The following FOXN3 variants were observed in gnomAD, a reference collection of about 807,000 sequenced individuals.
The protein encoded by FOXN3 is forkhead box protein N3.
In FOXN3, 7 loss-of-function variants were observed where a neutral mutation model predicts 38.4. The observed-to-expected ratio is 0.18, with a 90% confidence interval of 0.10 to 0.34. The LOEUF is 0.34. Ranked by LOEUF, FOXN3 falls within the 10% of genes least tolerant of loss-of-function variation. The pLI, the probability that FOXN3 is intolerant of heterozygous loss-of-function variation, is 1.00. For missense variants in FOXN3, 456 were observed against 613.4 expected, an observed-to-expected ratio of 0.74 and a Z score of 2.71; for synonymous variants, 230 against 242.2, an observed-to-expected ratio of 0.95 and a Z score of 0.47.
At chr14:89,452,991 G>C (rs965495239) in intron 1 of FOXN3, among the ~76,000 whole-genome samples, 3 of 152,000 alleles carry the variant, frequency 2.0e-5, no homozygotes, top group Non-Finnish European at 4.4e-5. Flanking sequence ...CTGAGGTCAG[G>C]AGTTCCAGAC....
intron 4 of FOXN3, among the ~76,000 whole-genome samples, chr14:89,255,072 G>A (rs906587217): frequency 5.3e-5 from 8 of 152,148 alleles, no homozygotes; most frequent in African/African-American, 1.9e-4. Flanking sequence ...AGAGGCCAGG[G>A]GCTACTCTAT....
At chr14:89,486,003 AG>A (rs1893437250) in intron 1 of FOXN3, among the ~76,000 whole-genome samples, 1 of 152,180 alleles carries the variant, frequency 6.6e-6, no homozygotes, top group South Asian at 2.1e-4. Flanking sequence ...CCCTGAACCA[AG>A]GAACTACCGC....
chr14:89,290,830 G>T (rs554967950), intron 3 of FOXN3: 15 of 269,998 alleles, frequency 5.6e-5, no homozygotes, highest in African/African-American at 3.2e-4. Context: ...TGGTTAAACC[G>T]GGCAAATAAA....
chr14:89,404,765 G>C (rs374316817), intron 2 of FOXN3, among the ~76,000 whole-genome samples: 1 of 152,012 alleles, frequency 6.6e-6, no homozygotes, highest in Non-Finnish European at 1.5e-5. Context: ...AGCCATTTCC[G>C]ACGCTGGACA....
chr14:89,486,002 A>G (rs1257430842), intron 1 of FOXN3, among the ~76,000 whole-genome samples: 1 of 152,170 alleles, frequency 6.6e-6, no homozygotes, highest in African/African-American at 2.4e-5. Context: ...TCCCTGAACC[A>G]AGGAACTACC....
intron 1 of FOXN3, among the ~76,000 whole-genome samples, chr14:89,416,099 G>T (rs1226173924): frequency 6.6e-6 from 1 of 152,156 alleles, no homozygotes; most frequent in Non-Finnish European, 1.5e-5. Context: ...GAGTTTGGGG[G>T]GCCGGGTCAC....
chr14:89,322,042 C>A (rs907860707), intron 3 of FOXN3, among the ~76,000 whole-genome samples: 3 of 152,228 alleles, frequency 2.0e-5, no homozygotes, highest in Admixed American at 6.5e-5. Flanking sequence ...ATACTGCAAC[C>A]CTCTTTGGGT....
chr14:89,439,454 C>G (rs973683560), intron 1 of FOXN3, among the ~76,000 whole-genome samples: 1 of 152,110 alleles, frequency 6.6e-6, no homozygotes, highest in Non-Finnish European at 1.5e-5. Flanking sequence ...GACCTCTGGT[C>G]GTCCTCACTG....
At chr14:89,540,591 T>A (rs553280000) in intron 1 of FOXN3, among the ~76,000 whole-genome samples, 1 of 151,984 alleles carries the variant, frequency 6.6e-6, no homozygotes, top group East Asian at 1.9e-4. Context: ...AAAAAAAATT[T>A]AGCCGAGCGT....
intron 2 of FOXN3, among the ~76,000 whole-genome samples, chr14:89,375,258 T>C (rs1014911209): frequency 6.6e-6 from 1 of 152,244 alleles, no homozygotes; most frequent in Non-Finnish European, 1.5e-5. Context: ...CCTCTGTTCA[T>C]CGTCAAGTAT....
At chr14:89,462,916 T>A (rs1316884801) in intron 1 of FOXN3, among the ~76,000 whole-genome samples, 1 of 150,210 alleles carries the variant, frequency 6.7e-6, no homozygotes, top group Non-Finnish European at 1.5e-5. Flanking sequence ...GATCTCCTGA[T>A]CTCATGATCC....
chr14:89,479,470 TA>T (rs762375916), intron 1 of FOXN3, among the ~76,000 whole-genome samples: 36 of 152,312 alleles, frequency 2.4e-4, no homozygotes, highest in Non-Finnish European at 4.7e-4. Flanking sequence ...CAACTTGTTT[TA>T]AATAAAGCAA....
chr14:89,584,460 C>T (rs1345670471), intron 1 of FOXN3, among the ~76,000 whole-genome samples: 40 of 152,134 alleles, frequency 2.6e-4, no homozygotes, highest in Admixed American at 2.6e-3. Flanking sequence ...CAGCACAAAA[C>T]GTACAATGAC....
intron 4 of FOXN3, among the ~76,000 whole-genome samples, chr14:89,197,221 G>A (rs570455730): frequency 5.6e-4 from 85 of 152,082 alleles, no homozygotes; most frequent in Non-Finnish European, 8.5e-4. Flanking sequence ...ATAAGAACAC[G>A]GGTAGGCTGG....
In FOXN3 at chr14:89,160,062, C is replaced by T. The variant is rs1887061305; in HGVS notation, c.*2352G>A. 3 of 152,232 alleles carry T rather than the reference C, an allele frequency of 2.0e-5. No individual in the cohort carries two copies. The highest frequency in any genetic ancestry group is 1.3e-4 in the Admixed American group (2 of 15,282). The allele number at this position is 152,232 out of a possible 1,614,324, so 9.4% of individuals were successfully genotyped here. A position where few individuals can be genotyped will look rare whatever the true frequency, so the allele number is the denominator to read the frequency against. On this transcript the variant is annotated 3_prime_UTR_variant, in exon 6 of 6. Coordinates refer to ENST00000557258, the MANE Select transcript of FOXN3 (RefSeq NM_005197.4). ...GGCAGATGGGCTTGGCTTTGGCCCA[C>T]AGCAGTCCCTTTTTTAAAAGTTAAG... is the stretch of plus-strand genomic sequence containing the variant.
At chr14:89,282,457 C>T (rs981810380) in intron 3 of FOXN3, among the ~76,000 whole-genome samples, 1 of 152,192 alleles carries the variant, frequency 6.6e-6, no homozygotes, top group African/African-American at 2.4e-5. Flanking sequence ...CAGCTGATTG[C>T]TCTTCGATTG....
intron 3 of FOXN3, among the ~76,000 whole-genome samples, chr14:89,338,240 A>C (rs1596194735): frequency 6.6e-6 from 1 of 152,164 alleles, no homozygotes; most frequent in Non-Finnish European, 1.5e-5. Context: ...AAAGGGGAGG[A>C]GGGTAGCCAA....
At chr14:89,186,596 G>A (rs1566924075) in intron 4 of FOXN3, among the ~76,000 whole-genome samples, 1 of 152,158 alleles carries the variant, frequency 6.6e-6, no homozygotes, top group Non-Finnish European at 1.5e-5. Flanking sequence ...CAAAGTCCAG[G>A]GGGTAATGAG....
intron 1 of FOXN3, among the ~76,000 whole-genome samples, chr14:89,610,011 C>T (rs1301661773): frequency 3.9e-5 from 6 of 152,150 alleles, no homozygotes; most frequent in Non-Finnish European, 7.4e-5. Context: ...AAATGCTTAA[C>T]TCTGAAATTA....
Sources: gnomAD v4.1 joint callset for allele counts (sites outside exome capture counted in the v4.1 genomes callset) on GRCh38, gnomAD v4.1.1 for gene constraint, MANE v1.5 for transcripts, NCBI Gene and HGNC (gene_info 2026-07-23, HGNC 2026-07-21) for gene names.